Variants in KCNS3 observed in about 807,000 individuals in gnomAD.
KCNS3 encodes the protein delayed-rectifier potassium channel regulatory subunit KCNS3.
KCNS3 carries 13 observed loss-of-function variants against 31.0 expected under a neutral mutation model. The ratio of observed to expected loss-of-function variants is 0.42; its 90% CI spans 0.27 to 0.67. The LOEUF (loss-of-function observed/expected upper bound fraction) is 0.67. KCNS3 is among the 30% of genes least tolerant of loss of function. The probability of loss-of-function intolerance (pLI) is 0.25; values close to 1 mark genes in which losing one functional copy is unlikely to be tolerated. For synonymous variants in KCNS3, 238 were observed against 241.5 expected, an observed-to-expected ratio of 0.99 and a Z score of 0.13; for missense variants, 545 against 622.4, an observed-to-expected ratio of 0.88 and a Z score of 1.32.
intron 1 of KCNS3, among the ~76,000 whole-genome samples, chr2:17,894,006 G>C (rs1408970582): frequency 6.9e-6 from 1 of 145,114 alleles, no homozygotes; most frequent in African/African-American, 2.6e-5. Context: ...AAGAGTACAG[G>C]ATGGACAGTT....
At chr2:17,880,381 G>A (rs1292118012) in intron 1 of KCNS3, among the ~76,000 whole-genome samples, 1 of 152,238 alleles carries the variant, frequency 6.6e-6, no homozygotes, top group East Asian at 1.9e-4. Flanking sequence ...GCAAATGGAT[G>A]ATATAATTTC....
At chr2:17,914,973 T>C (rs1424184836) in intron 1 of KCNS3, among the ~76,000 whole-genome samples, 1 of 152,186 alleles carries the variant, frequency 6.6e-6, no homozygotes, top group Non-Finnish European at 1.5e-5. Flanking sequence ...GTCCATTTGC[T>C]TTTCCTTGGG....
At chr2:17,909,685 G>T (rs745743996) in intron 1 of KCNS3, among the ~76,000 whole-genome samples, 4 of 152,162 alleles carry the variant, frequency 2.6e-5, no homozygotes, top group Non-Finnish European at 5.9e-5. Flanking sequence ...AAGACTTGAG[G>T]GAAGTGAGAG....
chr2:17,918,387 AG>A (rs1662637004), intron 2 of KCNS3, among the ~76,000 whole-genome samples: 1 of 152,192 alleles, frequency 6.6e-6, no homozygotes, highest in Admixed American at 6.5e-5. Flanking sequence ...CAGGGTTTCC[AG>A]GTTCTCCTGG....
chr2:17,901,625 A>G (rs958043450), intron 1 of KCNS3, among the ~76,000 whole-genome samples: 4 of 152,110 alleles, frequency 2.6e-5, no homozygotes, highest in Non-Finnish European at 5.9e-5. Context: ...CCACTGTCAG[A>G]TGACATTGGC....
chr2:17,895,068 G>A (rs192977993), intron 1 of KCNS3, among the ~76,000 whole-genome samples: 16 of 152,228 alleles, frequency 1.1e-4, no homozygotes, highest in Middle Eastern at 3.4e-3. Flanking sequence ...TGGGCAAAGC[G>A]TTTAAAAAAT....
intron 1 of KCNS3, among the ~76,000 whole-genome samples, chr2:17,879,154 G>C (rs977055117): frequency 6.6e-6 from 1 of 152,214 alleles, no homozygotes; most frequent in South Asian, 2.1e-4. Context: ...TATGGTCAGG[G>C]GGAGGACCAC....
chr2:17,891,412 T>C (rs938871876), intron 1 of KCNS3, among the ~76,000 whole-genome samples: 1 of 152,230 alleles, frequency 6.6e-6, no homozygotes, highest in Non-Finnish European at 1.5e-5. Flanking sequence ...TCAATGTTAG[T>C]ATTGAAATGT....
At chr2:17,888,651 A>ATATG (rs1661760858) in intron 1 of KCNS3, among the ~76,000 whole-genome samples, 3 of 133,512 alleles carry the variant, frequency 2.2e-5, no homozygotes, top group Non-Finnish European at 4.9e-5. Context: ...ATATATATAT[A>ATATG]TATATATATA....
chr2:17,931,920 C>G lies in KCNS3; in HGVS notation c.912C>G (p.Ala304=). 1 of 1,614,062 alleles carries G rather than the reference C, an allele frequency of 6.2e-7. No homozygotes were observed. Among genetic ancestry groups the G allele is most frequent in the Non-Finnish European group, 8.5e-7 (1 of 1,180,000 alleles). ...LMRIFRILKL[A]RHSVGLRSLG... ...GGATTTTCCGAATTCTAAAGCTTGCCCGGCACTCGGTAGGACTTCGGTCTC... is the reference window on the plus strand; with the variant it reads ...GGATTTTCCGAATTCTAAAGCTTGCGCGGCACTCGGTAGGACTTCGGTCTC... The change falls in exon 3 of 3, where the codon GCC becomes GCG. Residue 304 remains alanine, a synonymous_variant. Coordinates refer to ENST00000304101, the MANE Select transcript of KCNS3 (RefSeq NM_002252.5). This position sits in a 1 kb window ranked among gnomAD's most constrained non-coding sequence, Gnocchi z 5.4.
At chr2:17,883,012 C>T (rs1381471542) in intron 1 of KCNS3, among the ~76,000 whole-genome samples, 1 of 152,196 alleles carries the variant, frequency 6.6e-6, no homozygotes, top group African/African-American at 2.4e-5. Context: ...CACAGCCTTG[C>T]ACTACGATTT....
chr2:17,911,446 A>G (rs1358188514), intron 1 of KCNS3, among the ~76,000 whole-genome samples: 1 of 152,230 alleles, frequency 6.6e-6, no homozygotes, highest in African/African-American at 2.4e-5. Flanking sequence ...TCCTCTGCCC[A>G]GATGCTGACT....
intron 1 of KCNS3, among the ~76,000 whole-genome samples, chr2:17,910,820 T>C (rs1201884067): frequency 2.6e-5 from 4 of 152,198 alleles, no homozygotes; most frequent in African/African-American, 9.6e-5. Context: ...TACTTTGGTA[T>C]TCCTAATTCA....
At chr2:17,910,894 C>T (rs1412076460) in intron 1 of KCNS3, among the ~76,000 whole-genome samples, 1 of 152,166 alleles carries the variant, frequency 6.6e-6, no homozygotes, top group African/African-American at 2.4e-5. Flanking sequence ...GTATAAATAG[C>T]TCTAGGTCAT....
rs189032000 is a variant in KCNS3, at chr2:17,903,096, T to C, written c.-251-14584T>C. 2.0e-5 allele frequency among the ~76,000 whole-genome samples: 3 copies of C among 152,350 alleles called. No homozygotes were observed. In the East Asian group the frequency reaches 5.8e-4, roughly 29 times the overall value. On this transcript the variant is annotated intron_variant, in intron 1 of 2. Coordinates refer to ENST00000304101, the MANE Select transcript of KCNS3 (RefSeq NM_002252.5). Reference sequence around the variant, plus strand: ...GCACGTTTGTTGTGATTTTTCTTTTTTCCCAGTTAATGCAGTGGGCAAGAG... The same window carrying C: ...GCACGTTTGTTGTGATTTTTCTTTTCTCCCAGTTAATGCAGTGGGCAAGAG...
At chr2:17,916,397 G>A (rs955168277) in intron 1 of KCNS3, among the ~76,000 whole-genome samples, 2 of 152,090 alleles carry the variant, frequency 1.3e-5, no homozygotes, top group Non-Finnish European at 2.9e-5. Flanking sequence ...AAGCATGGAG[G>A]AGGAAGGAGG....
intron 1 of KCNS3, among the ~76,000 whole-genome samples, chr2:17,888,063 G>C (rs147585325): frequency 2.0e-5 from 3 of 151,702 alleles, no homozygotes; most frequent in Non-Finnish European, 2.9e-5. Context: ...TGTTTTTGTC[G>C]TAGATTCTGG....
chr2:17,901,627 G>A (rs1474905570), intron 1 of KCNS3, among the ~76,000 whole-genome samples: 2 of 152,116 alleles, frequency 1.3e-5, no homozygotes, highest in African/African-American at 4.8e-5. Flanking sequence ...ACTGTCAGAT[G>A]ACATTGGCTG....
chr2:17,905,365 G>A (rs1187152536), intron 1 of KCNS3, among the ~76,000 whole-genome samples: 2 of 152,222 alleles, frequency 1.3e-5, no homozygotes, highest in Admixed American at 1.3e-4. Context: ...TTTGGGCTGA[G>A]ATGATGGGGT....
Sources: allele counts gnomAD v4.1 joint callset (sites outside exome capture counted in the v4.1 genomes callset), GRCh38; gene constraint gnomAD v4.1.1; non-coding constraint Gnocchi (gnomAD v3.1); transcripts MANE v1.5; gene names NCBI Gene and HGNC (gene_info 2026-07-23, HGNC 2026-07-21).